The following S100PBP variants were observed in gnomAD, a reference collection of about 807,000 sequenced individuals.
The protein encoded by S100PBP is S100P-binding protein.
Under a neutral mutation model 39.9 loss-of-function variants are expected in S100PBP, and 15 were observed. The ratio of observed to expected loss-of-function variants is 0.38; its 90% CI spans 0.25 to 0.58. The LOEUF is 0.58. Ranked by LOEUF, S100PBP falls within the 20% of genes least tolerant of loss-of-function variation. The pLI is 0.70. For synonymous variants in S100PBP, 178 were observed against 180.3 expected, an observed-to-expected ratio of 0.99 and a Z score of 0.10; for missense variants, 504 against 487.3, an observed-to-expected ratio of 1.03 and a Z score of -0.32.
intron 5 of S100PBP, among the ~76,000 whole-genome samples, chr1:32,840,031 C>T (rs1278877182): frequency 2.0e-5 from 3 of 152,146 alleles, no homozygotes; most frequent in Admixed American, 2.0e-4. Context: ...GTTGCTCAGG[C>T]TGGAGTGCAG....
intron 5 of S100PBP, among the ~76,000 whole-genome samples, chr1:32,844,158 C>T (rs182606799): frequency 9.2e-5 from 14 of 152,092 alleles, no homozygotes; most frequent in South Asian, 8.3e-4. Flanking sequence ...TTAGGTGATC[C>T]GCCCACTTCG....
At chr1:32,828,138 C>A in intron 4 of S100PBP, 57 bp downstream of exon 4, 1 of 1,256,990 alleles carries the variant, frequency 8.0e-7, no homozygotes, top group Non-Finnish European at 1.1e-6. Context: ...CAATTTCTTT[C>A]TTCCCCTCTC....
rs1252681388 is a variant in S100PBP, at chr1:32,856,017, C to T, written c.1206C>T (p.Leu402=). The T allele has an allele frequency of 6.2e-7, 1 of 1,612,666 alleles. No homozygotes were observed. Among genetic ancestry groups the T allele is most frequent in the Non-Finnish European group, 8.5e-7 (1 of 1,178,828 alleles). ...GAAGCCACCATCGGTTCCAGCGTCT[C>T]CCAGACTTCTCGTACAGTTAATTTG... ...NMRSHHRFQR[L]PDFSYS is the part of the protein sequence containing the mutation. The change falls in exon 7 of 7, where the codon CTC becomes CTT. Residue 402 remains leucine (L), a synonymous_variant. Transcript: ENST00000373475.
At chr1:32,848,454 T>A (rs1640476794) in intron 5 of S100PBP, among the ~76,000 whole-genome samples, 1 of 152,236 alleles carries the variant, frequency 6.6e-6, no homozygotes, top group African/African-American at 2.4e-5. Flanking sequence ...TGTACTGTTC[T>A]CTCTTGTTCT....
At chr1:32,819,898 G>A (rs1379198290) in intron 1 of S100PBP, among the ~76,000 whole-genome samples, 2 of 152,210 alleles carry the variant, frequency 1.3e-5, no homozygotes, top group East Asian at 3.9e-4. Context: ...GTTCTCATCT[G>A]TATTGAAGTT....
intron 5 of S100PBP, among the ~76,000 whole-genome samples, chr1:32,841,823 C>G (rs1219078571): frequency 6.6e-6 from 1 of 151,162 alleles, no homozygotes; most frequent in Non-Finnish European, 1.5e-5. Context: ...AAAATTTTCT[C>G]CTATGTTTTT....
At chr1:32,827,057 A>C in intron 3 of S100PBP, 127 bp downstream of exon 3, 1 of 636,870 alleles carries the variant, frequency 1.6e-6, no homozygotes, top group East Asian at 2.8e-5. Context: ...ATCCTACACC[A>C]CAGTGGTACA....
At chr1:32,847,138 G>A (rs1046438168) in intron 5 of S100PBP, among the ~76,000 whole-genome samples, 4 of 152,038 alleles carry the variant, frequency 2.6e-5, no homozygotes, top group Non-Finnish European at 5.9e-5. Flanking sequence ...CCTTTTATAT[G>A]CACTCACATA....
At chr1:32,855,739 G>T (rs138571599) in intron 6 of S100PBP, among the ~76,000 whole-genome samples, 185 bp from the exon 7 acceptor site, 1 of 152,128 alleles carries the variant, frequency 6.6e-6, no homozygotes, top group East Asian at 1.9e-4. Flanking sequence ...AGCACTTACG[G>T]TGTGGTGTTC....
intron 4 of S100PBP, among the ~76,000 whole-genome samples, chr1:32,829,503 C>T (rs971376045): frequency 2.0e-5 from 3 of 152,050 alleles, no homozygotes; most frequent in African/African-American, 7.2e-5. Flanking sequence ...CACTCTGTGG[C>T]CCAAGCTGGA....
At chr1:32,821,698 G>A (rs897912606) in intron 1 of S100PBP, among the ~76,000 whole-genome samples, 2 of 149,890 alleles carry the variant, frequency 1.3e-5, no homozygotes, top group African/African-American at 4.9e-5. Flanking sequence ...GTAGTGGTGC[G>A]ATCTCTGCCC....
chr1:32,841,965 G>C (rs990993515), intron 5 of S100PBP, among the ~76,000 whole-genome samples: 1 of 150,894 alleles, frequency 6.6e-6, no homozygotes, highest in Admixed American at 6.6e-5. Flanking sequence ...TGGGAAGATT[G>C]CTTGAGCCCA....
chr1:32,840,309 G>T (rs1343249378), intron 5 of S100PBP, among the ~76,000 whole-genome samples: 1 of 151,476 alleles, frequency 6.6e-6, no homozygotes, highest in African/African-American at 2.4e-5. Context: ...TTTTGGTAGA[G>T]ACCGTGTTTT....
chr1:32,828,070 A>G lies in S100PBP; in HGVS notation c.909A>G (p.Gln303=), dbSNP rs759084881. 6.3e-7 allele frequency: 1 copy of G among 1,586,896 alleles called. No homozygotes were observed. The highest frequency in any genetic ancestry group is 1.1e-5 in the South Asian group (1 of 90,286). ...TAGGCAAAGTCATTCCTGTTCTACAAACTAAGACCAGGTAATGTAAAGTAT... is the reference window on the plus strand; with the variant it reads ...TAGGCAAAGTCATTCCTGTTCTACAGACTAAGACCAGGTAATGTAAAGTAT... ...RRLGKVIPVL[Q]TKTRTNVPTF... Residue 303 remains glutamine (Q), a synonymous_variant, in exon 4 of 7, where the codon CAA becomes CAG. Coordinates refer to ENST00000373475, the MANE Select transcript of S100PBP (RefSeq NM_022753.4).
intron 3 of S100PBP, 77 bp downstream of exon 3, chr1:32,827,007 C>A: frequency 2.1e-6 from 2 of 951,474 alleles, no homozygotes; most frequent in Non-Finnish European, 3.1e-6. Flanking sequence ...TTCCATATAC[C>A]TGCTATCTCC....
At chr1:32,839,436 C>T (rs1639989133) in intron 5 of S100PBP, among the ~76,000 whole-genome samples, 2 of 152,190 alleles carry the variant, frequency 1.3e-5, no homozygotes, top group African/African-American at 4.8e-5. Flanking sequence ...TGCCGTTATG[C>T]ATATGCATCT....
intron 1 of S100PBP, among the ~76,000 whole-genome samples, chr1:32,819,052 CAGT>C (rs768019216): frequency 7.9e-5 from 12 of 151,852 alleles, no homozygotes; most frequent in Non-Finnish European, 1.5e-4. Context: ...TGCTCGAAGG[CAGT>C]AGGTTTTCTG....
At chr1:32,816,563 C>G (rs1638740413), upstream of S100PBP, among the ~76,000 whole-genome samples, 1 of 152,164 alleles carries the variant, frequency 6.6e-6, no homozygotes, top group South Asian at 2.1e-4. Flanking sequence ...CATAACTTTG[C>G]TCACTCCACT....
chr1:32,828,047 G>C lies in S100PBP; in HGVS notation c.886G>C (p.Gly296Arg), dbSNP rs1456337094. 1 of 1,610,224 alleles carries C rather than the reference G, an allele frequency of 6.2e-7. No individual in the cohort carries two copies. The highest frequency in any genetic ancestry group is 8.5e-7 in the Non-Finnish European group (1 of 1,177,014). The change falls in exon 4 of 7, where the codon GGC becomes CGC. Residue 296 changes from glycine to arginine, a missense_variant. Gly to Arg is a moderately radical substitution (Grantham distance 125). Coordinates refer to ENST00000373475, the MANE Select transcript of S100PBP (RefSeq NM_022753.4). ...GATGAAAGGCCATGAGAGAAGACTA[G>C]GCAAAGTCATTCCTGTTCTACAAAC... ...GKMKGHERRL[G>R]KVIPVLQTKT...
Sources: gnomAD v4.1 joint callset for allele counts (sites outside exome capture counted in the v4.1 genomes callset) on GRCh38, gnomAD v4.1.1 for gene constraint, MANE v1.5 for transcripts, NCBI Gene and HGNC (gene_info 2026-07-23, HGNC 2026-07-21) for gene names.